CDH8: variants seen among roughly 807,000 people sequenced by gnomAD.
CDH8 encodes the protein cadherin 8.
CDH8 carries 17 observed loss-of-function variants against 68.1 expected under a neutral mutation model. The ratio of observed to expected loss-of-function variants is 0.25; its 90% CI spans 0.17 to 0.37. CDH8 has a LOEUF of 0.37. Among genes scored for constraint, CDH8 ranks in the 10% least tolerant of loss-of-function variants. The probability of loss-of-function intolerance (pLI) is 1.00; values close to 1 mark genes in which losing one functional copy is unlikely to be tolerated. For synonymous variants in CDH8, 372 were observed against 365.1 expected, an observed-to-expected ratio of 1.02 and a Z score of -0.21; for missense variants, 763 against 999.3, an observed-to-expected ratio of 0.76 and a Z score of 3.19.
At chr16:61,694,298 T>C (rs553478072) in intron 10 of CDH8, among the ~76,000 whole-genome samples, 13 of 152,310 alleles carry the variant, frequency 8.5e-5, no homozygotes, top group African/African-American at 2.6e-4. Context: ...GGGGAAGGTG[T>C]CATACTCTGT....
intron 3 of CDH8, among the ~76,000 whole-genome samples, chr16:61,865,742 G>A (rs1310983451): frequency 6.6e-6 from 1 of 152,108 alleles, no homozygotes; most frequent in Non-Finnish European, 1.5e-5. Context: ...CTTTTCATGG[G>A]CTGCTTATTC....
intron 4 of CDH8, among the ~76,000 whole-genome samples, chr16:61,855,229 T>C (rs1172795820): frequency 6.6e-6 from 1 of 152,190 alleles, no homozygotes; most frequent in Admixed American, 6.6e-5. Context: ...TGTGTTGATA[T>C]ATATACACAT....
intron 3 of CDH8, among the ~76,000 whole-genome samples, chr16:61,867,162 G>A (rs1963271774): frequency 6.6e-6 from 1 of 152,130 alleles, no homozygotes; most frequent in Non-Finnish European, 1.5e-5. Context: ...CAAGAACTAT[G>A]AGTTCACAGA....
intron 3 of CDH8, 23 bp downstream of exon 3, chr16:61,901,156 T>C: frequency 1.9e-6 from 3 of 1,598,542 alleles, no homozygotes; most frequent in Non-Finnish European, 2.6e-6. Context: ...TTAATAGATC[T>C]GTGAAATTGG....
At chr16:62,030,007 A>G (rs887451948) in intron 1 of CDH8, among the ~76,000 whole-genome samples, 3 of 152,186 alleles carry the variant, frequency 2.0e-5, no homozygotes, top group African/African-American at 4.8e-5. Flanking sequence ...CAACGATCCT[A>G]GTATAAGTCA....
At chr16:61,855,620 A>G (rs995243640) in intron 4 of CDH8, among the ~76,000 whole-genome samples, 2 of 152,204 alleles carry the variant, frequency 1.3e-5, no homozygotes, top group Non-Finnish European at 2.9e-5. Context: ...AAAAGACCCA[A>G]TTGAACAAAT....
intron 4 of CDH8, among the ~76,000 whole-genome samples, chr16:61,852,892 T>A: frequency 7.4e-6 from 1 of 135,180 alleles, no homozygotes; most frequent in African/African-American, 3.0e-5. Context: ...CTTCCTTCCT[T>A]CCATTCTTCC....
chr16:61,732,730 A>G (rs1268164140), intron 8 of CDH8, among the ~76,000 whole-genome samples: 1 of 151,868 alleles, frequency 6.6e-6, no homozygotes, highest in Non-Finnish European at 1.5e-5. Context: ...CTTATAAAAG[A>G]CTGTATAAAT....
intron 8 of CDH8, among the ~76,000 whole-genome samples, chr16:61,727,867 A>G (rs1959421351): frequency 6.6e-6 from 1 of 151,140 alleles, no homozygotes; most frequent in African/African-American, 2.4e-5. Flanking sequence ...TTCCAGGTCA[A>G]TTCCAATAGC....
At chr16:61,899,013 T>C (rs1468372009) in intron 3 of CDH8, among the ~76,000 whole-genome samples, 1 of 152,174 alleles carries the variant, frequency 6.6e-6, no homozygotes, top group Non-Finnish European at 1.5e-5. Flanking sequence ...AGTTCTGGGA[T>C]ACATGTGCAG....
At chr16:61,893,417 T>A (rs746096811) in intron 3 of CDH8, among the ~76,000 whole-genome samples, 3 of 123,296 alleles carry the variant, frequency 2.4e-5, no homozygotes, top group African/African-American at 7.1e-5. Context: ...TGTGTGTGAG[T>A]GTGTGTGTGT....
chr16:61,870,407 A>G (rs1386545030), intron 3 of CDH8, among the ~76,000 whole-genome samples: 1 of 152,206 alleles, frequency 6.6e-6, no homozygotes, highest in Non-Finnish European at 1.5e-5. Flanking sequence ...GTCTAAAAAC[A>G]GTGGAATCTG....
intron 2 of CDH8, among the ~76,000 whole-genome samples, chr16:61,953,526 G>A (rs1442519767): frequency 6.6e-6 from 1 of 151,294 alleles, no homozygotes; most frequent in Non-Finnish European, 1.5e-5. Context: ...GCTAGTTCTT[G>A]TCTCCCAAAA....
intron 8 of CDH8, among the ~76,000 whole-genome samples, chr16:61,757,092 C>T (rs1960338485): frequency 6.6e-6 from 1 of 152,084 alleles, no homozygotes; most frequent in Non-Finnish European, 1.5e-5. Flanking sequence ...ATCACAATTC[C>T]CTCCAAGTGA....
chr16:61,752,853 A>T (rs1212017491), intron 8 of CDH8, among the ~76,000 whole-genome samples: 1 of 152,234 alleles, frequency 6.6e-6, no homozygotes, highest in East Asian at 1.9e-4. Context: ...AACAAAAGGC[A>T]CATACACAAA....
chr16:61,928,622 T>C (rs1359654647), intron 2 of CDH8, among the ~76,000 whole-genome samples: 4 of 152,148 alleles, frequency 2.6e-5, no homozygotes, highest in East Asian at 1.9e-4. Context: ...CCACTAACCA[T>C]AAATAGTAGA....
At chr16:61,813,176 T>G (rs1961990772) in intron 7 of CDH8, among the ~76,000 whole-genome samples, 1 of 152,126 alleles carries the variant, frequency 6.6e-6, no homozygotes, top group African/African-American at 2.4e-5. Flanking sequence ...TTCAGTGAGG[T>G]CATTTAGAGA....
Position 61,919,075 on chromosome 16 carries a change from G to T in CDH8, c.253-17602C>A, listed in dbSNP as rs1324404395. Among the ~76,000 whole-genome samples, 10 of 146,132 alleles carry T rather than the reference G, an allele frequency of 6.8e-5. 1 individual carries two copies. Among genetic ancestry groups the T allele is most frequent in the South Asian group, 2.3e-4 (1 of 4,436 alleles). On this transcript the variant is annotated intron_variant, in intron 2 of 11. Transcript: ENST00000577390. ...GGCATACTGACACCTCACACGGCAG[G>T]GTATTCCAACAGACCTGCAGCTGAG...
intron 2 of CDH8, among the ~76,000 whole-genome samples, chr16:62,009,213 A>C (rs1901746479): frequency 6.6e-6 from 1 of 152,180 alleles, no homozygotes; most frequent in African/African-American, 2.4e-5. Context: ...AAAGGCATAA[A>C]GGGGTTATTC....
Sources: allele counts gnomAD v4.1 joint callset (sites outside exome capture counted in the v4.1 genomes callset), GRCh38; gene constraint gnomAD v4.1.1; transcripts MANE v1.5; gene names NCBI Gene and HGNC (gene_info 2026-07-23, HGNC 2026-07-21).